Variants in CD226 observed in about 807,000 individuals in gnomAD.
CD226 encodes the protein CD226 antigen.
CD226 carries 24 observed loss-of-function variants against 34.9 expected under a neutral mutation model. The observed-to-expected ratio is 0.69, with a 90% CI of 0.50 to 0.97. The LOEUF (loss-of-function observed/expected upper bound fraction) is 0.97, where lower values mean the gene tolerates loss of function less well. Ranked by LOEUF, CD226 falls within the 50% of genes least tolerant of loss-of-function variation. The probability of loss-of-function intolerance (pLI) is 0.00; values close to 1 mark genes in which losing one functional copy is unlikely to be tolerated. For synonymous variants in CD226, 148 were observed against 147.4 expected, an observed-to-expected ratio of 1.00 and a Z score of -0.03; for missense variants, 397 against 412.7, an observed-to-expected ratio of 0.96 and a Z score of 0.33.
chr18:69,947,050 A>G lies in CD226; in HGVS notation c.66T>C (p.Leu22=), dbSNP rs750159343. ...HVYRALCEEV[L]WHTSVPFAEN... ...CGGCAAAGGGAACTGATGTATGCCA[A>G]AGCACCTCTTCACATAGAGCTGAAA... The change falls in exon 2 of 6, where the codon CTT becomes CTC. Residue 22 remains leucine, a synonymous_variant. Transcript: ENST00000582621. The G allele has an allele frequency of 1.2e-6, 2 of 1,613,846 alleles. No homozygotes were observed. Among genetic ancestry groups the G allele is most frequent in the Admixed American group, 1.7e-5 (1 of 60,008 alleles).
chr18:69,864,637 T>C (rs575183624), intron 5 of CD226, among the ~76,000 whole-genome samples, 198 bp from the exon 6 acceptor site: 2 of 152,358 alleles, frequency 1.3e-5, no homozygotes, highest in South Asian at 2.1e-4. Flanking sequence ...AGAAATCTAG[T>C]CTAGATTAAT....
chr18:69,885,532 G>A (rs982264614), intron 3 of CD226, among the ~76,000 whole-genome samples: 1 of 152,150 alleles, frequency 6.6e-6, no homozygotes. Flanking sequence ...CTGTTCAAGG[G>A]AGTGGACTTT....
intron 2 of CD226, among the ~76,000 whole-genome samples, chr18:69,937,667 T>C (rs1229370573): frequency 2.0e-5 from 3 of 152,164 alleles, no homozygotes; most frequent in African/African-American, 7.2e-5. Context: ...AATGGATAAG[T>C]GGGTTCAGCT....
Position 69,860,318 on chromosome 18 carries a change from A to G in CD226, c.*3996T>C, listed in dbSNP as rs1788109. 6.6e-6 allele frequency: 1 copy of G among 152,240 alleles called. No individual in the cohort carries two copies. The highest frequency in any genetic ancestry group is 2.4e-5 in the African/African-American group (1 of 41,464). 9.4% of individuals were successfully genotyped at this position (152,240 alleles called of 1,614,324 possible). ...TATACCCTACAAGAACCAAAAATCC[A>G]AAAGTACACACTAACACTAGAAAAA... On this transcript the variant is annotated 3_prime_UTR_variant, in exon 6 of 6. Transcript: ENST00000582621.
At chr18:69,923,229 G>A in intron 2 of CD226, among the ~76,000 whole-genome samples, 1 of 151,612 alleles carries the variant, frequency 6.6e-6, no homozygotes, top group Non-Finnish European at 1.5e-5. Context: ...GAAAGAGAGA[G>A]AGAAAGAAAG....
At chr18:69,914,681 G>C (rs983822024) in intron 2 of CD226, among the ~76,000 whole-genome samples, 1 of 152,110 alleles carries the variant, frequency 6.6e-6, no homozygotes, top group African/African-American at 2.4e-5. Context: ...CAATAAAACA[G>C]AAATGTTCAT....
At chr18:69,944,083 T>C (rs565133677) in intron 2 of CD226, among the ~76,000 whole-genome samples, 222 of 151,864 alleles carry the variant, frequency 1.5e-3, no homozygotes, top group African/African-American at 4.8e-3. Flanking sequence ...CATAAGAAAA[T>C]TTCAAGCACA....
At chr18:69,928,335 C>A (rs918408528) in intron 2 of CD226, among the ~76,000 whole-genome samples, 3 of 152,134 alleles carry the variant, frequency 2.0e-5, no homozygotes, top group African/African-American at 7.2e-5. Flanking sequence ...CTCCTAAGGG[C>A]AAAGCTCTGT....
chr18:69,950,199 CGCACACATGCAT>C (rs2055839497), upstream of CD226, among the ~76,000 whole-genome samples: 1 of 152,138 alleles, frequency 6.6e-6, no homozygotes, highest in Non-Finnish European at 1.5e-5. Context: ...CTCACATGCA[CGCACACATGCAT>C]GCGTTTACAC....
intron 5 of CD226, among the ~76,000 whole-genome samples, chr18:69,864,823 A>G (rs1252185878): frequency 1.3e-5 from 2 of 152,236 alleles, no homozygotes; most frequent in African/African-American, 4.8e-5. Flanking sequence ...TGACATCAAG[A>G]TGATATTGTA....
intron 3 of CD226, among the ~76,000 whole-genome samples, chr18:69,875,637 C>T (rs1983818062): frequency 6.6e-6 from 1 of 152,144 alleles, no homozygotes; most frequent in Non-Finnish European, 1.5e-5. Flanking sequence ...TCCCTGATGA[C>T]CAGTAATGTT....
chr18:69,936,568 T>C (rs1294121026), intron 2 of CD226, among the ~76,000 whole-genome samples: 1 of 152,238 alleles, frequency 6.6e-6, no homozygotes, highest in Non-Finnish European at 1.5e-5. Context: ...ATAGGTACCA[T>C]TTAGTATTTT....
intron 2 of CD226, among the ~76,000 whole-genome samples, chr18:69,932,303 T>C (rs530720086): frequency 2.0e-5 from 3 of 152,224 alleles, no homozygotes; most frequent in African/African-American, 7.2e-5. Context: ...TATCTTAGAA[T>C]AGTGTACATT....
intron 2 of CD226, among the ~76,000 whole-genome samples, chr18:69,931,976 G>A (rs1227109345): frequency 6.6e-6 from 1 of 152,114 alleles, no homozygotes; most frequent in African/African-American, 2.4e-5. Context: ...TCCTTTTGAG[G>A]CCTCTCTCCT....
At chr18:69,871,588 A>G (rs1788103) in intron 4 of CD226, among the ~76,000 whole-genome samples, 84,525 of 152,022 alleles carry the variant, frequency 0.56, 24,938 homozygotes, top group African/African-American at 0.76. Flanking sequence ...TTGCAGGGAC[A>G]GAGAACAGTA....
rs545483488 is a variant in CD226, at chr18:69,896,342, C to T, written c.383-297G>A. On this transcript the variant is annotated intron_variant, in intron 2 of 5. Transcript: ENST00000582621. ...GACTATAGGCGCCCGCCACCGCGCC[C>T]GGCTAATTTTTTGTATTTTTAGTAG... Among the ~76,000 whole-genome samples, 96 of 152,130 alleles carry T rather than the reference C, an allele frequency of 6.3e-4. 1 individual carries two copies. Among genetic ancestry groups the T allele is most frequent in the Admixed American group, 3.4e-3 (52 of 15,282 alleles).
At chr18:69,960,253 A>AGAAAAGAAAAG (rs2055923593), upstream of CD226, among the ~76,000 whole-genome samples, 1 of 151,472 alleles carries the variant, frequency 6.6e-6, no homozygotes, top group Non-Finnish European at 1.5e-5. Context: ...AAAAAAAAAA[A>AGAAAAGAAAAG]GAAAAGAAAA....
intron 4 of CD226, among the ~76,000 whole-genome samples, chr18:69,872,700 T>A (rs2145190303): frequency 6.6e-6 from 1 of 152,380 alleles, no homozygotes; most frequent in Admixed American, 6.5e-5. Flanking sequence ...TGCTGTTTGC[T>A]TATTGGGATG....
chr18:69,879,392 G>A (rs1309110467), intron 3 of CD226, among the ~76,000 whole-genome samples: 1 of 152,012 alleles, frequency 6.6e-6, no homozygotes, highest in Non-Finnish European at 1.5e-5. Context: ...CTCCCCCCAG[G>A]AAAGCATTCT....
Sources: gnomAD v4.1 joint callset for allele counts (sites outside exome capture counted in the v4.1 genomes callset) on GRCh38, gnomAD v4.1.1 for gene constraint, MANE v1.5 for transcripts, NCBI Gene and HGNC (gene_info 2026-07-23, HGNC 2026-07-21) for gene names.